Variants in DCAF7 observed in about 807,000 individuals in gnomAD.
DCAF7 encodes DDB1 and CUL4 associated factor 7.
Under a neutral mutation model 41.2 loss-of-function variants are expected in DCAF7, and 4 were observed. The ratio of observed to expected loss-of-function variants is 0.10; its 90% CI spans 0.05 to 0.22. The LOEUF is 0.22. Among genes scored for constraint, DCAF7 ranks in the 10% least tolerant of loss-of-function variants. DCAF7 has a pLI of 1.00. For synonymous variants in DCAF7, 143 were observed against 164.2 expected (o/e 0.87, Z 0.99); for missense variants, 131 against 443.2 (o/e 0.30, Z 6.32).
At chr17:63,580,583 A>G (rs1199762970) in intron 4 of DCAF7, among the ~76,000 whole-genome samples, 3 of 140,006 alleles carry the variant, frequency 2.1e-5, no homozygotes, top group East Asian at 2.0e-4. Flanking sequence ...CAATGGCGCA[A>G]TCTGGGCTCA....
intron 1 of DCAF7, among the ~76,000 whole-genome samples, chr17:63,557,086 A>G (rs1568096953): frequency 6.6e-6 from 1 of 152,190 alleles, no homozygotes; most frequent in Non-Finnish European, 1.5e-5. Flanking sequence ...AGATGCTATT[A>G]GAAAGGATGG....
chr17:63,563,909 A>G (rs893076978), intron 1 of DCAF7, among the ~76,000 whole-genome samples: 3 of 152,196 alleles, frequency 2.0e-5, no homozygotes, highest in African/African-American at 7.2e-5. Context: ...ATCCCGGTAC[A>G]TAGATTAAAA....
intron 1 of DCAF7, among the ~76,000 whole-genome samples, chr17:63,552,759 CAGTGGAGTAGTCAAA>C (rs58327261): frequency 0.018 from 2,761 of 152,294 alleles, 70 homozygotes; most frequent in African/African-American, 0.063. Context: ...TTGGTAGGAT[CAGTGGAGTAGTCAAA>C]CTGCTGTTGC....
At chr17:63,557,896 G>A (rs558976414) in intron 1 of DCAF7, among the ~76,000 whole-genome samples, 30 of 152,062 alleles carry the variant, frequency 2.0e-4, no homozygotes, top group South Asian at 6.2e-4. Context: ...CTTATTTTTC[G>A]TGTGTTTTGT....
At chr17:63,558,133 A>G (rs1361051834) in intron 1 of DCAF7, among the ~76,000 whole-genome samples, 1 of 152,130 alleles carries the variant, frequency 6.6e-6, no homozygotes, top group Non-Finnish European at 1.5e-5. Context: ...GGCTCAAGTG[A>G]TCCACTAACC....
intron 1 of DCAF7, among the ~76,000 whole-genome samples, chr17:63,576,810 A>C (rs1263303022): frequency 6.6e-6 from 1 of 152,224 alleles, no homozygotes; most frequent in Non-Finnish European, 1.5e-5. Flanking sequence ...GCTACTCAGG[A>C]GGCTGAAGCT....
chr17:63,555,493 A>G (rs908430915), intron 1 of DCAF7, among the ~76,000 whole-genome samples: 1 of 152,134 alleles, frequency 6.6e-6, no homozygotes, highest in Non-Finnish European at 1.5e-5. Context: ...CGACTCCGGT[A>G]TTTAATTTTT....
rs770028003 is a variant in DCAF7 at position 63,589,671 on chromosome 17, C to G, written c.*499C>G. The G allele has an allele frequency of 1.6e-4, 28 of 172,644 alleles. No individual in the cohort carries two copies. Among genetic ancestry groups the G allele is most frequent in the Non-Finnish European group, 3.4e-4 (27 of 79,826 alleles). The allele number at this position is 172,644 out of a possible 1,614,324, so 10.7% of individuals were successfully genotyped here. A position where few individuals can be genotyped will look rare whatever the true frequency, so the allele number is the denominator to read the frequency against. On this transcript the variant is annotated 3_prime_UTR_variant, in exon 7 of 7. Coordinates refer to ENST00000614556, the MANE Select transcript of DCAF7 (RefSeq NM_005828.5). ...CTTTGTATATTTGTTATCTATCAGG[C>G]TAATTTTTTTATGAAAAGAATTTTA...
intron 1 of DCAF7, among the ~76,000 whole-genome samples, chr17:63,556,733 G>A (rs930992839): frequency 8.5e-5 from 13 of 152,114 alleles, no homozygotes; most frequent in Non-Finnish European, 1.2e-4. Flanking sequence ...CAGATGTGGT[G>A]GTGCGTGCCT....
chr17:63,561,986 T>G (rs1397402354), intron 1 of DCAF7, among the ~76,000 whole-genome samples: 1 of 136,316 alleles, frequency 7.3e-6, no homozygotes, highest in South Asian at 2.2e-4. Context: ...TCCAGAGTGT[T>G]CAGAATAAAT....
chr17:63,562,904 A>G (rs2033399723), intron 1 of DCAF7, among the ~76,000 whole-genome samples: 1 of 151,212 alleles, frequency 6.6e-6, no homozygotes, highest in Non-Finnish European at 1.5e-5. Flanking sequence ...AGCTCACTGC[A>G]GCCTCAACCT....
intron 1 of DCAF7, among the ~76,000 whole-genome samples, chr17:63,559,036 G>A (rs567067027): frequency 2.2e-4 from 33 of 152,060 alleles, no homozygotes; most frequent in African/African-American, 7.7e-4. Flanking sequence ...TTAAGGCCAG[G>A]CACAGTGGCT....
At chr17:63,553,286 C>A (rs1265048687) in intron 1 of DCAF7, among the ~76,000 whole-genome samples, 2 of 152,166 alleles carry the variant, frequency 1.3e-5, no homozygotes, top group Non-Finnish European at 2.9e-5. Flanking sequence ...AAAAAAAATT[C>A]TCTTGCTGGC....
At chr17:63,584,606 C>G (rs1376269719) in intron 5 of DCAF7, among the ~76,000 whole-genome samples, 1 of 150,664 alleles carries the variant, frequency 6.6e-6, no homozygotes, top group Admixed American at 6.6e-5. Context: ...TAAAAAAATA[C>G]AAAAAATTAG....
rs59755195 is a variant in DCAF7, at chr17:63,559,387, GTATATATATA to G, written c.138+8574_138+8583del. 5.6e-4 allele frequency among the ~76,000 whole-genome samples: 21 copies of G among 37,458 alleles called. 1 individual carries two copies. Among genetic ancestry groups the G allele is most frequent in the African/African-American group, 2.2e-3 (19 of 8,514 alleles). The allele number at this position is 37,458 out of a possible 152,430, so 24.6% of individuals were successfully genotyped here. On this transcript the variant is annotated intron_variant, in intron 1 of 6. Coordinates refer to ENST00000614556, the MANE Select transcript of DCAF7 (RefSeq NM_005828.5). ...TGTATATATATATGTGTATATATATGTATATATATATGTATATATATGTATATATATACGT... is the reference window on the plus strand; with the variant it reads ...TGTATATATATATGTGTATATATATGTGTATATATATGTATATATATACGT...
At chr17:63,569,878 A>T (rs776874194) in intron 1 of DCAF7, among the ~76,000 whole-genome samples, 16 of 151,970 alleles carry the variant, frequency 1.1e-4, no homozygotes, top group Non-Finnish European at 1.8e-4. Context: ...ACGCTTTGCT[A>T]ATCTTTGTAT....
chr17:63,571,347 G>C (rs1254168273), intron 1 of DCAF7, among the ~76,000 whole-genome samples: 1 of 152,054 alleles, frequency 6.6e-6, no homozygotes. Context: ...ATAGAGGGAT[G>C]GGGTGGCATT....
chr17:63,559,439 G>GTATATA (rs10643199), intron 1 of DCAF7, among the ~76,000 whole-genome samples: 49 of 122,182 alleles, frequency 4.0e-4, no homozygotes, highest in Admixed American at 6.9e-4. Flanking sequence ...ATATGTGTGT[G>GTATATA]TATATATATA....
At position 63,550,835 on chromosome 17, in the gene DCAF7, G is replaced by A. The variant is rs1011753637; in HGVS notation, c.138+20G>A. 2 of 1,609,888 alleles carry A rather than the reference G, an allele frequency of 1.2e-6. No homozygotes were observed. The highest frequency in any genetic ancestry group is 3.4e-5 in the Admixed American group (2 of 59,636). On this transcript the variant is annotated intron_variant, in intron 1 of 6. Coordinates refer to ENST00000614556, the MANE Select transcript of DCAF7 (RefSeq NM_005828.5). This position sits in a 1 kb window ranked among gnomAD's most constrained non-coding sequence, Gnocchi z 4.8. ...AACAAGGTGGGCCGGGCAGGGGCTCGGAACCCAGCTGGCGGGGAGCGGGCC... is the reference window on the plus strand; with the variant it reads ...AACAAGGTGGGCCGGGCAGGGGCTCAGAACCCAGCTGGCGGGGAGCGGGCC...
Sources: gnomAD v4.1 joint callset for allele counts (sites outside exome capture counted in the v4.1 genomes callset) on GRCh38, gnomAD v4.1.1 for gene constraint, Gnocchi (gnomAD v3.1) non-coding constraint, MANE v1.5 for transcripts, NCBI Gene and HGNC (gene_info 2026-07-23, HGNC 2026-07-21) for gene names.